Variants in XPR1 observed in about 807,000 individuals in gnomAD.
XPR1 encodes solute carrier family 53 member 1.
Under a neutral mutation model 87.5 loss-of-function variants are expected in XPR1, and 28 were observed. The ratio of observed to expected loss-of-function variants is 0.32; its 90% CI spans 0.24 to 0.44. The LOEUF (loss-of-function observed/expected upper bound fraction) is 0.44. Ranked by LOEUF, XPR1 falls within the 20% of genes least tolerant of loss-of-function variation. The probability of loss-of-function intolerance (pLI) is 1.00; values close to 1 mark genes in which losing one functional copy is unlikely to be tolerated. For missense variants in XPR1, 559 were observed against 862.3 expected (o/e 0.65, Z 4.41); for synonymous variants, 300 against 306.1 (o/e 0.98, Z 0.21).
chr1:180,659,193 TCTTCCTTCCTTCCTTCCTTC>T lies in XPR1; in HGVS notation c.70-23128_70-23109del, dbSNP rs550840483. Reference sequence around the variant, plus strand: ...ACTAGGGATATTGGCCTGTAGTCAGTCTTCCTTCCTTCCTTCCTTCCTTCCTTCCTTCCTTCCTTCCTTCC... The same window carrying T: ...ACTAGGGATATTGGCCTGTAGTCAGTCTTCCTTCCTTCCTTCCTTCCTTCC... On this transcript the variant is annotated intron_variant, in intron 1 of 14. Coordinates refer to ENST00000367590, the MANE Select transcript of XPR1 (RefSeq NM_004736.4). 2.6e-3 allele frequency among the ~76,000 whole-genome samples: 207 copies of T among 79,816 alleles called. 1 individual carries two copies. The highest frequency in any genetic ancestry group is 0.01 in the Middle Eastern group (1 of 100). 52.4% of individuals were successfully genotyped at this position (79,816 alleles called of 152,430 possible).
chr1:180,725,436 A>G (rs1372281833), intron 2 of XPR1, among the ~76,000 whole-genome samples: 3 of 152,192 alleles, frequency 2.0e-5, no homozygotes, highest in Non-Finnish European at 4.4e-5. Context: ...CTATTGCACT[A>G]TCACCCTGAC....
chr1:180,782,553 G>A lies in XPR1; in HGVS notation c.122-5200G>A, dbSNP rs114965091. Among the ~76,000 whole-genome samples the A allele has an allele frequency of 1.8e-4, 28 of 152,062 alleles. 1 individual carries two copies. The highest frequency in any genetic ancestry group is 4.6e-4 in the African/African-American group (19 of 41,530). On this transcript the variant is annotated intron_variant, in intron 2 of 14. Transcript: ENST00000367590. Reference sequence around the variant, plus strand: ...AGAGAGAGAAAGAGAGAGAACATACGTGTGTGTTGGGCGGGGGCAGTGGGG... The same window carrying A: ...AGAGAGAGAAAGAGAGAGAACATACATGTGTGTTGGGCGGGGGCAGTGGGG...
chr1:180,833,515 A>C (rs954559812), intron 9 of XPR1, among the ~76,000 whole-genome samples: 1 of 150,384 alleles, frequency 6.6e-6, no homozygotes, highest in African/African-American at 2.4e-5. Context: ...AAAAAAAAAC[A>C]CAAAAAAAAC....
At chr1:180,733,251 G>C (rs969670201) in intron 2 of XPR1, among the ~76,000 whole-genome samples, 1 of 152,130 alleles carries the variant, frequency 6.6e-6, no homozygotes, top group Non-Finnish European at 1.5e-5. Flanking sequence ...CCCTATGTCC[G>C]TGGGGGCTAT....
intron 13 of XPR1, among the ~76,000 whole-genome samples, chr1:180,877,410 G>T (rs1310010485): frequency 2.0e-5 from 3 of 152,132 alleles, no homozygotes. Context: ...TTATGACAAA[G>T]GTGGCTACAT....
intron 2 of XPR1, among the ~76,000 whole-genome samples, chr1:180,777,864 T>A (rs1648783638): frequency 6.6e-6 from 1 of 152,190 alleles, no homozygotes; most frequent in African/African-American, 2.4e-5. Flanking sequence ...AACTAAGAAA[T>A]CATAGAAACT....
At chr1:180,723,492 A>T (rs572444616) in intron 2 of XPR1, among the ~76,000 whole-genome samples, 1 of 152,306 alleles carries the variant, frequency 6.6e-6, no homozygotes, top group South Asian at 2.1e-4. Context: ...AACTCTACAT[A>T]AAGAACTGCT....
intron 12 of XPR1, among the ~76,000 whole-genome samples, chr1:180,865,205 A>G (rs73045794): frequency 0.043 from 6,542 of 152,174 alleles, 503 homozygotes; most frequent in African/African-American, 0.15. Flanking sequence ...AACTATAGCA[A>G]TACCCCCAAT....
chr1:180,800,875 C>G (rs970634296), intron 3 of XPR1, among the ~76,000 whole-genome samples: 1 of 152,118 alleles, frequency 6.6e-6, no homozygotes, highest in Non-Finnish European at 1.5e-5. Flanking sequence ...GGTTTTTGAA[C>G]TAGCGTTGAT....
At chr1:180,850,267 A>G (rs577155476) in intron 11 of XPR1, among the ~76,000 whole-genome samples, 37 of 152,302 alleles carry the variant, frequency 2.4e-4, no homozygotes, top group Admixed American at 1.8e-3. Flanking sequence ...TTTAGATCTG[A>G]TATGTTTTAC....
intron 3 of XPR1, among the ~76,000 whole-genome samples, chr1:180,793,731 A>G (rs116209773): frequency 2.6e-4 from 39 of 152,294 alleles, no homozygotes; most frequent in African/African-American, 8.2e-4. Context: ...GGAAATTACA[A>G]TTACAATATT....
At chr1:180,684,763 G>A (rs1039984253) in intron 2 of XPR1, among the ~76,000 whole-genome samples, 4 of 152,160 alleles carry the variant, frequency 2.6e-5, no homozygotes, top group African/African-American at 9.7e-5. Flanking sequence ...GTGAATGGGA[G>A]TTCACTCATG....
At chr1:180,688,272 A>C (rs1233528828) in intron 2 of XPR1, among the ~76,000 whole-genome samples, 1 of 150,690 alleles carries the variant, frequency 6.6e-6, no homozygotes, top group Non-Finnish European at 1.5e-5. Context: ...TGCCTGGCCA[A>C]CATGGCCAGT....
At chr1:180,765,436 C>T (rs1648245084) in intron 2 of XPR1, among the ~76,000 whole-genome samples, 1 of 152,194 alleles carries the variant, frequency 6.6e-6, no homozygotes, top group Non-Finnish European at 1.5e-5. Flanking sequence ...TCTCTTCTCT[C>T]TGACTACTAG....
At chr1:180,704,814 G>GTTTTTT (rs567903048) in intron 2 of XPR1, among the ~76,000 whole-genome samples, 1,367 of 51,936 alleles carry the variant, frequency 0.026, 175 homozygotes, top group Middle Eastern at 0.048. Context: ...ACTGTTGGTT[G>GTTTTTT]TTTTTTTTTT....
intron 2 of XPR1, among the ~76,000 whole-genome samples, chr1:180,767,139 T>C (rs1446931416): frequency 1.3e-5 from 2 of 152,198 alleles, no homozygotes; most frequent in Non-Finnish European, 2.9e-5. Flanking sequence ...AGGGGAATCC[T>C]ACTAATTGAG....
At chr1:180,732,094 G>C (rs1364460144) in intron 2 of XPR1, among the ~76,000 whole-genome samples, 1 of 151,582 alleles carries the variant, frequency 6.6e-6, no homozygotes, top group Non-Finnish European at 1.5e-5. Context: ...TCGGGAGCCT[G>C]AGGCAGGAGA....
At chr1:180,684,399 T>G (rs1384642109) in intron 2 of XPR1, among the ~76,000 whole-genome samples, 1 of 152,166 alleles carries the variant, frequency 6.6e-6, no homozygotes, top group East Asian at 1.9e-4. Flanking sequence ...AGCCTTGTAG[T>G]ATAGTTTGAA....
intron 2 of XPR1, among the ~76,000 whole-genome samples, chr1:180,735,489 T>C (rs531052106): frequency 6.6e-6 from 1 of 152,342 alleles, no homozygotes; most frequent in South Asian, 2.1e-4. Context: ...TAAGTACCTT[T>C]AGTGAATAAT....
Sources: gnomAD v4.1 joint callset for allele counts (sites outside exome capture counted in the v4.1 genomes callset) on GRCh38, gnomAD v4.1.1 for gene constraint, MANE v1.5 for transcripts, NCBI Gene and HGNC (gene_info 2026-07-23, HGNC 2026-07-21) for gene names.